FTSJ3: variants seen among roughly 807,000 people sequenced by gnomAD.
The protein encoded by FTSJ3 is pre-rRNA 2'-O-ribose RNA methyltransferase FTSJ3.
A neutral mutation model predicts 111.5 loss-of-function variants in FTSJ3; 46 were observed. That is an observed-to-expected ratio of 0.41 (90% CI 0.33 to 0.53). FTSJ3 has a LOEUF of 0.53. FTSJ3 is among the 20% of genes least tolerant of loss of function. The probability of loss-of-function intolerance (pLI) is 0.19; values close to 1 mark genes in which losing one functional copy is unlikely to be tolerated. For synonymous variants in FTSJ3, 408 were observed against 383.0 expected (o/e 1.07, Z -0.76); for missense variants, 1,075 against 1,063.8 (o/e 1.01, Z -0.15).
In FTSJ3 at chr17:63,819,984, T is replaced by C. The variant is rs201190672; in HGVS notation, c.2362A>G (p.Lys788Glu). The change falls in exon 21 of 21, where the codon AAG (lysine) becomes GAG (glutamate). Residue 788 changes from lysine to glutamate, a missense_variant. By Grantham distance (56) the Lys-to-Glu change is moderately conservative. Coordinates refer to ENST00000427159, the MANE Select transcript of FTSJ3 (RefSeq NM_017647.4). ...KVAQLRSLYK[K>E]AGLGKEKRHV... ...CGTTTCTCCTTGCCAAGCCCAGCCTTCTTGTAGAGACTACAGGGGGGAAGA... is the reference window on the plus strand; with the variant it reads ...CGTTTCTCCTTGCCAAGCCCAGCCTCCTTGTAGAGACTACAGGGGGGAAGA... 42 of 1,614,026 alleles carry C rather than the reference T, an allele frequency of 2.6e-5. No homozygotes were observed. Among genetic ancestry groups the C allele is most frequent in the South Asian group, 6.6e-5 (6 of 91,084 alleles).
rs1257476905 is a variant in FTSJ3 at position 63,825,588 on chromosome 17, A to G, written c.348T>C (p.Asn116=). ...LKTWKVDVVL[N]DGAPNVGASW... is the part of the protein sequence containing the mutation. ...TAGCCCCAACGTTGGGGGCCCCATCATTGAGCACAACATCAACCTTCCAGG... is the reference window on the plus strand; with the variant it reads ...TAGCCCCAACGTTGGGGGCCCCATCGTTGAGCACAACATCAACCTTCCAGG... Residue 116 remains asparagine, a synonymous_variant, in exon 6 of 21, where the codon AAT becomes AAC. Coordinates refer to ENST00000427159, the MANE Select transcript of FTSJ3 (RefSeq NM_017647.4). 8 of 1,614,050 alleles carry G rather than the reference A, an allele frequency of 5.0e-6. No homozygotes were observed. In the South Asian group the frequency reaches 7.7e-5, roughly 16 times the overall value.
At position 63,819,570 on chromosome 17, in the gene FTSJ3, A is replaced by C. The variant is rs1338809684; in HGVS notation, c.*232T>G. On this transcript the variant is annotated 3_prime_UTR_variant, in exon 21 of 21. Transcript: ENST00000427159. ...CCTTTAACGGTTTAAAAAAAGGGTC[A>C]TGAGTGTCAACACAGTTCAGCAGTG... is the stretch of plus-strand genomic sequence containing the variant. 2.0e-6 allele frequency: 1 copy of C among 500,428 alleles called. No individual in the cohort carries two copies. The highest frequency in any genetic ancestry group is 3.5e-6 in the Non-Finnish European group (1 of 282,664). The allele number at this position is 500,428 out of a possible 1,614,324, so 31.0% of individuals were successfully genotyped here. A position where few individuals can be genotyped will look rare whatever the true frequency, so the allele number is the denominator to read the frequency against.
chr17:63,821,683 G>A (rs754147480), intron 15 of FTSJ3, 40 bp from the exon 16 acceptor site: 2 of 1,613,940 alleles, frequency 1.2e-6, no homozygotes, highest in Non-Finnish European at 1.7e-6. Flanking sequence ...TCCCAAGGAA[G>A]ACTCATCTCC....
At position 63,824,351 on chromosome 17, in the gene FTSJ3, T is replaced by C; in HGVS notation, c.978A>G (p.Gln326=). The change falls in exon 11 of 21, where the codon CAA becomes CAG. Residue 326 remains glutamine (Q), a synonymous_variant. Coordinates refer to ENST00000427159, the MANE Select transcript of FTSJ3 (RefSeq NM_017647.4). Reference sequence around the variant, plus strand: ...CTCACCTGATGTCCAGTGCCTTTGCTTGTTCTTTCAGCTTCTTGGCCACAT... The same window carrying C: ...CTCACCTGATGTCCAGTGCCTTTGCCTGTTCTTTCAGCTTCTTGGCCACAT... ...RRYVAKKLKE[Q]AKALDISLSS... The C allele has an allele frequency of 1.2e-6, 2 of 1,614,226 alleles. No individual in the cohort carries two copies. Among genetic ancestry groups the C allele is most frequent in the Middle Eastern group, 1.7e-4 (1 of 6,060 alleles).
At chr17:63,823,228 T>C (rs980297231) in intron 13 of FTSJ3, among the ~76,000 whole-genome samples, 3 of 152,368 alleles carry the variant, frequency 2.0e-5, no homozygotes, top group Middle Eastern at 3.4e-3. Flanking sequence ...TCTATTCATC[T>C]GTGCTTGAAA....
chr17:63,821,676 C>G (rs1246023592), intron 15 of FTSJ3, 33 bp from the exon 16 acceptor site: 1 of 1,613,782 alleles, frequency 6.2e-7, no homozygotes, highest in Admixed American at 1.7e-5. Flanking sequence ...GCCCTTCTCC[C>G]AAGGAAGACT....
intron 20 of FTSJ3, 26 bp downstream of exon 20, chr17:63,820,053 G>GTACCT: frequency 6.2e-7 from 1 of 1,613,892 alleles, no homozygotes; most frequent in Non-Finnish European, 8.5e-7. Flanking sequence ...TTAGCCCTGT[G>GTACCT]TACCTTTGTG....
chr17:63,823,086 A>G (rs1215077980), intron 13 of FTSJ3, among the ~76,000 whole-genome samples: 1 of 152,036 alleles, frequency 6.6e-6, no homozygotes, highest in Non-Finnish European at 1.5e-5. Flanking sequence ...AAGCCACAAA[A>G]GTTCATTTTG....
intron 2 of FTSJ3, 73 bp from the exon 3 acceptor site, chr17:63,826,745 T>C (rs751983672): frequency 4.2e-4 from 642 of 1,544,640 alleles, no homozygotes; most frequent in Non-Finnish European, 4.9e-4. Flanking sequence ...GACCACCCCT[T>C]CTGCAGGAGA....
In FTSJ3 at chr17:63,824,678, C is replaced by T. The variant is rs772735792; in HGVS notation, c.876G>A (p.Val292=). 2 of 1,614,194 alleles carry T rather than the reference C, an allele frequency of 1.2e-6. No homozygotes were observed. Among genetic ancestry groups the T allele is most frequent in the South Asian group, 1.1e-5 (1 of 91,084 alleles). ...CCAACACTCTGATGTCCTGACAGCACACCCGTATGTCCTCAGTGGTAGCTG... is the reference window on the plus strand; with the variant it reads ...CCAACACTCTGATGTCCTGACAGCATACCCGTATGTCCTCAGTGGTAGCTG... The part of the protein sequence containing the change: ...QHPATTEDIR[V]CCQDIRVLGR... The change falls in exon 10 of 21, where the codon GTG becomes GTA. Residue 292 remains valine (V), a synonymous_variant. Transcript: ENST00000427159.
At chr17:63,824,032 TCA>T in intron 12 of FTSJ3, 50 bp downstream of exon 12, 6 of 1,613,776 alleles carry the variant, frequency 3.7e-6, no homozygotes, top group Middle Eastern at 3.3e-4. Flanking sequence ...TCTCCCATCT[TCA>T]CACAGTCCCT....
In FTSJ3 at chr17:63,826,093, G is replaced by A; in HGVS notation, c.263C>T (p.Thr88Ile). 6.2e-7 allele frequency: 1 copy of A among 1,613,860 alleles called. No homozygotes were observed. The change falls in exon 5 of 21, where the codon ACT (threonine) becomes ATT (isoleucine). Residue 88 changes from threonine (T) to isoleucine (I), a missense_variant. Transcript: ENST00000427159. ...VPIKPLPNVV[T>I]LQQDITTERC... ...TTCTGTTGTGATGTCCTGCTGGAGAGTCACCACATTGGGGAGAGGCTTGAT... is the reference window on the plus strand; with the variant it reads ...TTCTGTTGTGATGTCCTGCTGGAGAATCACCACATTGGGGAGAGGCTTGAT...
intron 11 of FTSJ3, 31 bp from the exon 12 acceptor site, chr17:63,824,270 T>A: frequency 1.2e-6 from 2 of 1,614,166 alleles, no homozygotes; most frequent in South Asian, 2.2e-5. Flanking sequence ...GTTGGGTTAT[T>A]TTCCCAGACT....
In FTSJ3 at chr17:63,820,013, G is replaced by C. The variant is rs1405645654; in HGVS notation, c.2352-19C>G. The C allele has an allele frequency of 1.9e-6, 3 of 1,613,922 alleles. No homozygotes were observed. Among genetic ancestry groups the C allele is most frequent in the Admixed American group, 1.7e-5 (1 of 60,016 alleles). ...GTAGAGACTACAGGGGGGAAGAGAA[G>C]AGGTTAGAGGCTTGCTTTCTGCTGC... On this transcript the variant is annotated intron_variant, in intron 20 of 20. Transcript: ENST00000427159.
rs747013764 is a variant in FTSJ3 at position 63,821,582 on chromosome 17, A to T, written c.1658T>A (p.Leu553Gln). 1 of 1,614,024 alleles carries T rather than the reference A, an allele frequency of 6.2e-7. No individual in the cohort carries two copies. The highest frequency in any genetic ancestry group is 8.5e-7 in the Non-Finnish European group (1 of 1,180,022). Residue 553 changes from leucine (L) to glutamine (Q), a missense_variant, in exon 16 of 21, where the codon CTG becomes CAG. Physicochemically the swap from Leu to Gln is moderately radical, Grantham distance 113 (BLOSUM62 -2). Around this residue, in one of 2 missense-constraint regions of FTSJ3, gnomAD observed 867 missense variants for 796.9 expected, o/e 1.09. Transcript: ENST00000427159. ...DEALEISQAQ[L>Q]LFENRRKGRQ... Reference sequence around the variant, plus strand: ...TCCCTTCCGCCGGTTCTCAAATAACAGCTGGGCCTGACTGATCTCCAGGGC... The same window carrying T: ...TCCCTTCCGCCGGTTCTCAAATAACTGCTGGGCCTGACTGATCTCCAGGGC...
At position 63,824,675 on chromosome 17, in the gene FTSJ3, G is replaced by A. The variant is rs748052097; in HGVS notation, c.879C>T (p.Cys293=). The A allele has an allele frequency of 1.2e-6, 2 of 1,614,114 alleles. No individual in the cohort carries two copies. The highest frequency in any genetic ancestry group is 4.5e-5 in the East Asian group (2 of 44,878). ...HPATTEDIRV[C]CQDIRVLGRK... is the part of the protein sequence containing the mutation. ...GCCCCAACACTCTGATGTCCTGACA[G>A]CACACCCGTATGTCCTCAGTGGTAG... is the stretch of plus-strand genomic sequence containing the variant. Residue 293 remains cysteine (C), a synonymous_variant, in exon 10 of 21, where the codon TGC becomes TGT. Coordinates refer to ENST00000427159, the MANE Select transcript of FTSJ3 (RefSeq NM_017647.4).
rs1308909582 is a variant in FTSJ3 at position 63,825,239 on chromosome 17, C to T, written c.595+3G>A. 1 of 1,614,132 alleles carries T rather than the reference C, an allele frequency of 6.2e-7. No individual in the cohort carries two copies. Among genetic ancestry groups the T allele is most frequent in the Non-Finnish European group, 8.5e-7 (1 of 1,180,008 alleles). Reference sequence around the variant, plus strand: ...GGATCAAGAGAAAGGAAATGATGCCCACCTTGGCAGACTACAAAGATCTCT... The same window carrying T: ...GGATCAAGAGAAAGGAAATGATGCCTACCTTGGCAGACTACAAAGATCTCT... On this transcript the variant is annotated splice_donor_region_variant and intron_variant, in intron 7 of 20. Transcript: ENST00000427159.
At chr17:63,824,287 C>G (rs2040077351) in intron 11 of FTSJ3, 44 bp downstream of exon 11, 1 of 1,614,052 alleles carries the variant, frequency 6.2e-7, no homozygotes, top group South Asian at 1.1e-5. Flanking sequence ...GACTTTTCCC[C>G]TGGACACCCA....
Position 63,824,179 on chromosome 17 carries a change from C to T in FTSJ3, c.1059G>A (p.Lys353=), listed in dbSNP as rs199599044. The change falls in exon 12 of 21, where the codon AAG becomes AAA. Residue 353 remains lysine (K), a synonymous_variant. Transcript: ENST00000427159. Reference sequence around the variant, plus strand: ...CTTCCTCCTCCTCCTTAGAGGGCTGCTTTGTGGTTCCAGCTGTTGAGTCCT... The same window carrying T: ...CTTCCTCCTCCTCCTTAGAGGGCTGTTTTGTGGTTCCAGCTGTTGAGTCCT... ...DEEDSTAGTT[K]QPSKEEEEEE... is the part of the protein sequence containing the mutation. 2.5e-5 allele frequency: 40 copies of T among 1,614,140 alleles called. No homozygotes were observed. Among genetic ancestry groups the T allele is most frequent in the Non-Finnish European group, 3.3e-5 (39 of 1,180,026 alleles).
Sources: allele counts gnomAD v4.1 joint callset (sites outside exome capture counted in the v4.1 genomes callset), GRCh38; gene constraint gnomAD v4.1.1; regional missense constraint gnomAD v4.1.1; transcripts MANE v1.5; gene names NCBI Gene and HGNC (gene_info 2026-07-23, HGNC 2026-07-21).